Variants in VPS13B observed in about 807,000 individuals in gnomAD.
VPS13B encodes the protein intermembrane lipid transfer protein VPS13B.
A neutral mutation model predicts 426.4 loss-of-function variants in VPS13B; 285 were observed. The ratio of observed to expected loss-of-function variants is 0.67; its 90% CI spans 0.61 to 0.74. The LOEUF is 0.74. Among genes scored for constraint, VPS13B ranks in the 30% least tolerant of loss-of-function variants. The probability of loss-of-function intolerance (pLI) is 0.00; values close to 1 mark genes in which losing one functional copy is unlikely to be tolerated. For synonymous variants in VPS13B, 1,676 were observed against 1,676.4 expected (o/e 1.00, Z 0.01); for missense variants, 4,537 against 4,782.6 (o/e 0.95, Z 1.51).
At chr8:99,334,488 G>T (rs1267972440) in intron 19 of VPS13B, among the ~76,000 whole-genome samples, 1 of 152,042 alleles carries the variant, frequency 6.6e-6, no homozygotes, top group Non-Finnish European at 1.5e-5. Context: ...TTGGCTGTGG[G>T]TTTGTCATAG....
At chr8:99,770,412 T>C (rs777772472) in intron 40 of VPS13B, among the ~76,000 whole-genome samples, 11 of 148,014 alleles carry the variant, frequency 7.4e-5, no homozygotes, top group Non-Finnish European at 1.5e-4. Context: ...TCCACACCCA[T>C]TGCCTGTTTC....
At chr8:99,519,059 T>C (rs1318756208) in intron 29 of VPS13B, among the ~76,000 whole-genome samples, 1 of 152,226 alleles carries the variant, frequency 6.6e-6, no homozygotes, top group African/African-American at 2.4e-5. Flanking sequence ...AGTAGAATCA[T>C]CTGTTGGAGA....
chr8:99,767,041 T>C, intron 40 of VPS13B, 71 bp downstream of exon 40: 3 of 1,468,038 alleles, frequency 2.0e-6, no homozygotes, highest in Non-Finnish European at 2.8e-6. Context: ...TCCTATCTAG[T>C]GACCCCTCAC....
intron 3 of VPS13B, among the ~76,000 whole-genome samples, chr8:99,047,780 G>C (rs1381048650): frequency 6.6e-6 from 1 of 152,004 alleles, no homozygotes; most frequent in Non-Finnish European, 1.5e-5. Flanking sequence ...CTGCTCCTGT[G>C]GGGTTCAAGC....
chr8:99,594,676 C>T (rs1218439463), intron 33 of VPS13B, among the ~76,000 whole-genome samples: 1 of 151,962 alleles, frequency 6.6e-6, no homozygotes, highest in Non-Finnish European at 1.5e-5. Context: ...GTTCCATAGA[C>T]TTCTGTCCAG....
chr8:99,421,046 A>G (rs117244036), intron 21 of VPS13B, among the ~76,000 whole-genome samples: 139 of 152,290 alleles, frequency 9.1e-4, no homozygotes, highest in Non-Finnish European at 1.6e-3. Context: ...TACTACACAT[A>G]TTTTTAACTT....
At chr8:99,152,268 G>C (rs1222946703) in intron 14 of VPS13B, among the ~76,000 whole-genome samples, 1 of 152,088 alleles carries the variant, frequency 6.6e-6, no homozygotes, top group African/African-American at 2.4e-5. Context: ...TCTTTGACTT[G>C]TGTTCTTTAG....
chr8:99,022,885 G>C (rs1726178102), intron 2 of VPS13B, among the ~76,000 whole-genome samples: 1 of 150,194 alleles, frequency 6.7e-6, no homozygotes, highest in African/African-American at 2.4e-5. Flanking sequence ...TTTCTTTTTG[G>C]TATTGTGGTC....
intron 19 of VPS13B, among the ~76,000 whole-genome samples, chr8:99,283,633 G>C (rs1057140137): frequency 2.6e-5 from 4 of 152,122 alleles, no homozygotes; most frequent in Non-Finnish European, 5.9e-5. Flanking sequence ...AAAAGAAAAT[G>C]CATGTGTTTC....
At chr8:99,370,015 G>C (rs1292478584) in intron 19 of VPS13B, among the ~76,000 whole-genome samples, 1 of 152,078 alleles carries the variant, frequency 6.6e-6, no homozygotes, top group Non-Finnish European at 1.5e-5. Context: ...TTGATTTGAA[G>C]CATACTTTAC....
chr8:99,264,223 A>T (rs1359699882), intron 17 of VPS13B, among the ~76,000 whole-genome samples: 7 of 149,116 alleles, frequency 4.7e-5, no homozygotes, highest in Admixed American at 1.3e-4. Context: ...TTTTTTTTTA[A>T]TGCTTTTTCC....
chr8:99,563,425 A>G (rs1300660370), intron 31 of VPS13B, among the ~76,000 whole-genome samples: 2 of 152,176 alleles, frequency 1.3e-5, no homozygotes, highest in African/African-American at 2.4e-5. Context: ...AATATATTCC[A>G]TATACATAGG....
intron 60 of VPS13B, 35 bp from the exon 61 acceptor site, chr8:99,871,413 C>T (rs376064674): frequency 1.2e-6 from 2 of 1,613,884 alleles, no homozygotes. Context: ...CTTTTCACAG[C>T]TGGCCCCTGG....
chr8:99,450,824 A>T (rs747964568), intron 23 of VPS13B, among the ~76,000 whole-genome samples: 1 of 152,094 alleles, frequency 6.6e-6, no homozygotes, highest in African/African-American at 2.4e-5. Flanking sequence ...GGGATTCCAA[A>T]TTTCTATTAA....
At chr8:99,559,971 G>A (rs1035241834) in intron 31 of VPS13B, among the ~76,000 whole-genome samples, 5 of 152,208 alleles carry the variant, frequency 3.3e-5, no homozygotes, top group African/African-American at 1.2e-4. Flanking sequence ...GATGGGGATG[G>A]CATTGAATCT....
Position 99,720,335 on chromosome 8 carries a change from G to A in VPS13B, c.6658-10G>A. 6.2e-7 allele frequency: 1 copy of A among 1,609,622 alleles called. No homozygotes were observed. Among genetic ancestry groups the A allele is most frequent in the South Asian group, 1.1e-5 (1 of 90,522 alleles). ...TTAAAAGCTACTAGAATTTTTTTAT[G>A]ATTTTAAAGGTCTTCTGGGGTCAAG... On this transcript the variant is annotated splice_polypyrimidine_tract_variant and intron_variant, in intron 37 of 61. Transcript: ENST00000357162.
Position 99,148,025 on chromosome 8 carries a change from T to C in VPS13B, c.2013+15T>C, listed in dbSNP as rs1810835075. ...TGGGAGAAAAGGTATATTTTGTGAT[T>C]TGCTATATTTTTTTTCCCTCATATA... On this transcript the variant is annotated intron_variant, in intron 14 of 61. Coordinates refer to ENST00000357162, the MANE Select transcript of VPS13B (RefSeq NM_152564.5). 6 of 1,610,830 alleles carry C rather than the reference T, an allele frequency of 3.7e-6. No homozygotes were observed. The highest frequency in any genetic ancestry group is 5.1e-6 in the Non-Finnish European group (6 of 1,178,120).
chr8:99,621,048 C>G (rs1828329117), intron 33 of VPS13B, among the ~76,000 whole-genome samples: 1 of 137,330 alleles, frequency 7.3e-6, no homozygotes, highest in Non-Finnish European at 1.6e-5. Context: ...GAAAGAAAAA[C>G]TAGAGGATCT....
At chr8:99,116,456 G>C (rs1847658501) in intron 7 of VPS13B, among the ~76,000 whole-genome samples, 1 of 152,028 alleles carries the variant, frequency 6.6e-6, no homozygotes, top group Admixed American at 6.6e-5. Context: ...ATTTATGAAT[G>C]AGGGTTTTGC....
Sources: allele counts gnomAD v4.1 joint callset (sites outside exome capture counted in the v4.1 genomes callset), GRCh38; gene constraint gnomAD v4.1.1; transcripts MANE v1.5; gene names NCBI Gene and HGNC (gene_info 2026-07-23, HGNC 2026-07-21).